The following HMG20A variants were observed in gnomAD, a reference collection of about 807,000 sequenced individuals.
HMG20A encodes high mobility group 20A.
In HMG20A, 17 loss-of-function variants were observed where a neutral mutation model predicts 43.9. The observed-to-expected ratio is 0.39, with a 90% CI of 0.27 to 0.58. HMG20A has a LOEUF of 0.58. Ranked by LOEUF, HMG20A falls within the 20% of genes least tolerant of loss-of-function variation. The probability of loss-of-function intolerance (pLI) is 0.59; values close to 1 mark genes in which losing one functional copy is unlikely to be tolerated. For synonymous variants in HMG20A, 132 were observed against 147.5 expected, an observed-to-expected ratio of 0.89 and a Z score of 0.76; for missense variants, 341 against 438.2, an observed-to-expected ratio of 0.78 and a Z score of 1.98.
At chr15:77,458,328 C>T (rs2072674941) in intron 1 of HMG20A, 76 bp from the exon 2 acceptor site, 2 of 909,842 alleles carry the variant, frequency 2.2e-6, no homozygotes, top group Non-Finnish European at 3.5e-6. Context: ...TTCAAGAAGG[C>T]TGGCTCTTAA....
In HMG20A at chr15:77,471,611, G is replaced by T. The variant is rs369594093; in HGVS notation, c.584-172G>T. On this transcript the variant is annotated intron_variant, in intron 5 of 9. Coordinates refer to ENST00000336216, the MANE Select transcript of HMG20A (RefSeq NM_001304504.2). ...TAATTATGAATTCTGTAGGCATGGGGTTCCCTTACTTTTGTTGGCTGACCG... is the reference window on the plus strand; with the variant it reads ...TAATTATGAATTCTGTAGGCATGGGTTTCCCTTACTTTTGTTGGCTGACCG... 2.0e-4 allele frequency among the ~76,000 whole-genome samples: 30 copies of T among 152,262 alleles called. No homozygotes were observed. The East Asian group carries it at 3.1e-3, about 16-fold the overall frequency.
chr15:77,494,592 G>A, the HMG20A span, among the ~76,000 whole-genome samples: 1 of 152,174 alleles, frequency 6.6e-6, no homozygotes, highest in African/African-American at 2.4e-5. Flanking sequence ...TCTGCAGGGG[G>A]AGCTTTGCAG....
chr15:77,466,118 C>T (rs2072754474), intron 3 of HMG20A, among the ~76,000 whole-genome samples: 1 of 152,152 alleles, frequency 6.6e-6, no homozygotes, highest in African/African-American at 2.4e-5. Flanking sequence ...CAGTGGATCA[C>T]GCCTATAATC....
intron 9 of HMG20A, 133 bp downstream of exon 9, chr15:77,479,454 T>A: frequency 6.4e-6 from 5 of 777,778 alleles, no homozygotes; most frequent in Non-Finnish European, 1.0e-5. Context: ...AAGATTCCTG[T>A]TGCATGGTTG....
the HMG20A span, among the ~76,000 whole-genome samples, chr15:77,503,321 C>A: frequency 3.9e-5 from 6 of 152,170 alleles, no homozygotes; most frequent in Non-Finnish European, 8.8e-5. Context: ...TTTCACCTGT[C>A]CTTCCTCAGT....
Position 77,464,371 on chromosome 15 carries a change from A to G in HMG20A, c.221A>G (p.Gln74Arg). 1.2e-6 allele frequency: 2 copies of G among 1,613,658 alleles called. No homozygotes were observed. The highest frequency in any genetic ancestry group is 1.7e-6 in the Non-Finnish European group (2 of 1,179,672). Residue 74 changes from glutamine (Q) to arginine (R), a missense_variant, in exon 3 of 10, where the codon CAG (glutamine) becomes CGG (arginine). This residue lies in a region of HMG20A where 220 missense variants were observed against 263.6 expected (regional missense o/e 0.83). Transcript: ENST00000336216. Reference sequence around the variant, plus strand: ...TCAAATGCAGCAGAAGGCAATGAACAGAGGCATGAAGATGAGGTAAGCTGA... The same window carrying G: ...TCAAATGCAGCAGAAGGCAATGAACGGAGGCATGAAGATGAGGTAAGCTGA... ...ESSNAAEGNE[Q>R]RHEDEQRSKR...
chr15:77,458,601 C>T (rs887700466), intron 2 of HMG20A, 105 bp downstream of exon 2: 12 of 672,342 alleles, frequency 1.8e-5, no homozygotes, highest in African/African-American at 5.5e-5. Flanking sequence ...TAAGAATAGA[C>T]GGTGCACTTG....
chr15:77,443,352 T>TATGATG (rs771200087), intron 1 of HMG20A, among the ~76,000 whole-genome samples: 2,460 of 141,704 alleles, frequency 0.017, 34 homozygotes, highest in Middle Eastern at 0.022. Context: ...ATCTATTTTT[T>TATGATG]ATGATGATGA....
At chr15:77,486,420 C>G (rs2072945953), downstream of HMG20A, among the ~76,000 whole-genome samples, 1 of 152,066 alleles carries the variant, frequency 6.6e-6, no homozygotes, top group African/African-American at 2.4e-5. Context: ...GCCACCATGC[C>G]CAGCTAATTT....
chr15:77,501,450 A>G, the HMG20A span, among the ~76,000 whole-genome samples: 10 of 152,216 alleles, frequency 6.6e-5, no homozygotes, highest in African/African-American at 1.7e-4. Context: ...GGCTTCTGCC[A>G]TCACAGTCTC....
chr15:77,489,045 T>C (rs1462357291), downstream of HMG20A, among the ~76,000 whole-genome samples: 1 of 152,238 alleles, frequency 6.6e-6, no homozygotes, highest in Non-Finnish European at 1.5e-5. Flanking sequence ...AGTTTTCTCA[T>C]CTGTAACATA....
At chr15:77,431,503 T>A (rs1470589695) in intron 1 of HMG20A, among the ~76,000 whole-genome samples, 1 of 152,102 alleles carries the variant, frequency 6.6e-6, no homozygotes, top group Non-Finnish European at 1.5e-5. Flanking sequence ...TGAGCTACCA[T>A]GCCCAGCTGG....
chr15:77,480,875 T>C (rs889011047), intron 9 of HMG20A, among the ~76,000 whole-genome samples: 5 of 152,088 alleles, frequency 3.3e-5, no homozygotes, highest in African/African-American at 1.2e-4. Context: ...CTTTGCTCTA[T>C]TGGTTAAGTT....
chr15:77,464,575 A>C, intron 3 of HMG20A, 188 bp downstream of exon 3: 1 of 478,986 alleles, frequency 2.1e-6, no homozygotes, highest in Non-Finnish European at 3.8e-6. Flanking sequence ...ATAGACAGGT[A>C]GACTCTTTTT....
In HMG20A at chr15:77,483,319, T is replaced by C. The variant is rs577427804; in HGVS notation, c.*356T>C. The C allele has an allele frequency of 4.6e-5, 7 of 152,358 alleles. No homozygotes were observed. Among genetic ancestry groups the C allele is most frequent in the Admixed American group, 3.9e-4 (6 of 15,304 alleles). The allele number at this position is 152,358 out of a possible 1,614,324, so 9.4% of individuals were successfully genotyped here. ...CTGCTGCTGCAGAAAGGAAGACTTT[T>C]CATTGTAATTTCGCTTAGACCCTTT... On this transcript the variant is annotated 3_prime_UTR_variant, in exon 10 of 10. Transcript: ENST00000336216.
chr15:77,508,397 G>A, the HMG20A span, among the ~76,000 whole-genome samples: 4 of 152,334 alleles, frequency 2.6e-5, no homozygotes, highest in Middle Eastern at 3.4e-3. Flanking sequence ...ACCAGATCCC[G>A]TGCTAGGCCC....
chr15:77,476,486 G>GAA lies in HMG20A; in HGVS notation c.616-1044_616-1043dup, dbSNP rs148901766. Reference sequence around the variant, plus strand: ...GGCAACAGAGAGGGACTCCCTCTCAGAAAAAAAAAAAAAAAAAAAAAAAAA... The same window carrying GAA: ...GGCAACAGAGAGGGACTCCCTCTCAGAAAAAAAAAAAAAAAAAAAAAAAAAAA... On this transcript the variant is annotated intron_variant, in intron 6 of 9. Coordinates refer to ENST00000336216, the MANE Select transcript of HMG20A (RefSeq NM_001304504.2). 3.8e-3 allele frequency among the ~76,000 whole-genome samples: 311 copies of GAA among 81,412 alleles called. 27 individuals are homozygous for GAA. In the East Asian group the frequency reaches 0.041, roughly 11 times the overall value. The allele number at this position is 81,412 out of a possible 152,430, so 53.4% of individuals were successfully genotyped here.
At chr15:77,449,888 T>C (rs985894445) in intron 1 of HMG20A, among the ~76,000 whole-genome samples, 4 of 152,180 alleles carry the variant, frequency 2.6e-5, no homozygotes, top group Non-Finnish European at 5.9e-5. Context: ...TATAATGACA[T>C]GTATCCACCA....
chr15:77,445,414 C>T (rs927183784), intron 1 of HMG20A, among the ~76,000 whole-genome samples: 2 of 152,158 alleles, frequency 1.3e-5, no homozygotes, highest in East Asian at 1.9e-4. Context: ...ACAGTAGTTC[C>T]CCTTTATCCA....
Sources: gnomAD v4.1 joint callset for allele counts (sites outside exome capture counted in the v4.1 genomes callset) on GRCh38, gnomAD v4.1.1 for gene constraint, gnomAD v4.1.1 regional missense constraint, MANE v1.5 for transcripts, NCBI Gene and HGNC (gene_info 2026-07-23, HGNC 2026-07-21) for gene names.